TMEM132D: variants seen among roughly 807,000 people sequenced by gnomAD.
TMEM132D encodes the protein mature OL transmembrane protein.
Under a neutral mutation model 62.3 loss-of-function variants are expected in TMEM132D, and 21 were observed. That is an observed-to-expected ratio of 0.34 (90% CI 0.24 to 0.49). The LOEUF is 0.49. Among genes scored for constraint, TMEM132D ranks in the 20% least tolerant of loss-of-function variants. The pLI, the probability that TMEM132D is intolerant of heterozygous loss-of-function variation, is 0.99. For missense variants in TMEM132D, 1,346 were observed against 1,402.8 expected (o/e 0.96, Z 0.65); for synonymous variants, 621 against 575.6 (o/e 1.08, Z -1.13).
chr12:129,225,451 G>T (rs1232309875), intron 4 of TMEM132D, among the ~76,000 whole-genome samples: 1 of 152,110 alleles, frequency 6.6e-6, no homozygotes, highest in Non-Finnish European at 1.5e-5. Flanking sequence ...CAGGAGAATC[G>T]CCACCCGCAC....
chr12:129,821,755 C>G lies in TMEM132D; in HGVS notation c.79+81506G>C, dbSNP rs543403981. On this transcript the variant is annotated intron_variant, in intron 1 of 8. Transcript: ENST00000422113. ...TCTTAAAATGCAGCCTGTGACTCTG[C>G]CCGTCTGTGGGCTGGGGGAAAAGGG... Among the ~76,000 whole-genome samples, 8 of 152,266 alleles carry G rather than the reference C, an allele frequency of 5.3e-5. No individual in the cohort carries two copies. In the East Asian group the frequency reaches 1.5e-3, roughly 29 times the overall value.
At chr12:129,581,902 C>T (rs528798347) in intron 2 of TMEM132D, among the ~76,000 whole-genome samples, 43 of 152,322 alleles carry the variant, frequency 2.8e-4, no homozygotes, top group Non-Finnish European at 4.9e-4. Context: ...TTATAACACA[C>T]GCAGACTGAG....
At chr12:129,386,388 C>T (rs946582597) in intron 3 of TMEM132D, among the ~76,000 whole-genome samples, 5 of 152,176 alleles carry the variant, frequency 3.3e-5, no homozygotes, top group East Asian at 1.9e-4. Context: ...CCAATGCTAA[C>T]GCTATCACTA....
chr12:129,635,677 G>A (rs10773690), intron 2 of TMEM132D, among the ~76,000 whole-genome samples: 62,334 of 152,004 alleles, frequency 0.41, 12,925 homozygotes, highest in East Asian at 0.49. Context: ...ATTAAGTTAC[G>A]CAGAGATGAC....
At chr12:129,528,525 C>G (rs1876123506) in intron 3 of TMEM132D, among the ~76,000 whole-genome samples, 1 of 152,042 alleles carries the variant, frequency 6.6e-6, no homozygotes. Context: ...CCAGTTCTCT[C>G]CAGTAGAAAT....
Position 129,209,631 on chromosome 12 carries a change from C to T in TMEM132D, c.1332G>A (p.Thr444=), listed in dbSNP as rs1258168500. 6.8e-6 allele frequency: 11 copies of T among 1,614,188 alleles called. No individual in the cohort carries two copies. The highest frequency in any genetic ancestry group is 1.7e-5 in the Admixed American group (1 of 60,036). ...EAEILNTAIL[T]GKTVAVPVKV... is the part of the protein sequence containing the mutation. Reference sequence around the variant, plus strand: ...TCACCGGGACGGCCACCGTCTTCCCCGTGAGGATGGCTGTGTTCAGGATTT... The same window carrying T: ...TCACCGGGACGGCCACCGTCTTCCCTGTGAGGATGGCTGTGTTCAGGATTT... Residue 444 remains threonine (T), a synonymous_variant, in exon 5 of 9, where the codon ACG becomes ACA. Coordinates refer to ENST00000422113, the MANE Select transcript of TMEM132D (RefSeq NM_133448.3).
rs1433127782 is a variant in TMEM132D at position 129,779,202 on chromosome 12, A to G, written c.80-78504T>C. On this transcript the variant is annotated intron_variant, in intron 1 of 8. Coordinates refer to ENST00000422113, the MANE Select transcript of TMEM132D (RefSeq NM_133448.3). This position sits in a 1 kb window ranked among gnomAD's most constrained non-coding sequence, Gnocchi z 4.1. ...GGATCCATCTGGAAAGCCCCATTTG[A>G]TGCTTTAACATGCAGAGTAGAACGG... Among the ~76,000 whole-genome samples the G allele has an allele frequency of 6.6e-6, 1 of 152,216 alleles. No individual in the cohort carries two copies. The highest frequency in any genetic ancestry group is 1.5e-5 in the Non-Finnish European group (1 of 68,048).
intron 2 of TMEM132D, among the ~76,000 whole-genome samples, chr12:129,595,129 T>C (rs1228888442): frequency 6.6e-6 from 1 of 152,198 alleles, no homozygotes; most frequent in African/African-American, 2.4e-5. Flanking sequence ...TGAAATCAGA[T>C]AATATGCAAA....
intron 4 of TMEM132D, among the ~76,000 whole-genome samples, chr12:129,299,064 T>G (rs572110730): frequency 1.3e-5 from 2 of 152,136 alleles, no homozygotes; most frequent in Non-Finnish European, 2.9e-5. Flanking sequence ...AGAAGGAAGT[T>G]CCCAAGGTCG....
chr12:129,629,116 C>T (rs1438560881), intron 2 of TMEM132D, among the ~76,000 whole-genome samples: 1 of 152,122 alleles, frequency 6.6e-6, no homozygotes, highest in Non-Finnish European at 1.5e-5. Context: ...TTGGCTCTCA[C>T]CACCTGCCTT....
At chr12:129,133,639 G>C (rs1031092708) in intron 5 of TMEM132D, among the ~76,000 whole-genome samples, 1 of 152,238 alleles carries the variant, frequency 6.6e-6, no homozygotes, top group African/African-American at 2.4e-5. Context: ...GTGGACATCT[G>C]TTGCTTTTGT....
rs150876325 is a variant in TMEM132D at position 129,209,610 on chromosome 12, C to G, written c.1353G>C (p.Pro451=). The G allele has an allele frequency of 4.3e-6, 7 of 1,614,190 alleles. No homozygotes were observed. The highest frequency in any genetic ancestry group is 5.9e-6 in the Non-Finnish European group (7 of 1,180,024). ...CGTCCTCCACGGAGACCACTTTCAC[C>G]GGGACGGCCACCGTCTTCCCCGTGA... ...AILTGKTVAV[P]VKVVSVEDDG... is the part of the protein sequence containing the mutation. Residue 451 remains proline, a synonymous_variant, in exon 5 of 9, where the codon CCG becomes CCC. Transcript: ENST00000422113.
intron 5 of TMEM132D, among the ~76,000 whole-genome samples, chr12:129,174,920 G>A (rs1877859657): frequency 2.0e-5 from 3 of 151,934 alleles, no homozygotes; most frequent in African/African-American, 7.3e-5. Context: ...TTTTTTGAGG[G>A]GGTTGTTTTT....
intron 3 of TMEM132D, among the ~76,000 whole-genome samples, chr12:129,451,372 C>T (rs1268400429): frequency 1.3e-5 from 2 of 152,108 alleles, no homozygotes; most frequent in Non-Finnish European, 2.9e-5. Context: ...TAGCTGCACC[C>T]CTGCACGTGT....
Position 129,074,645 on chromosome 12 carries a change from T to G in TMEM132D, c.2530A>C (p.Ser844Arg). 1 of 1,614,116 alleles carries G rather than the reference T, an allele frequency of 6.2e-7. No homozygotes were observed. Among genetic ancestry groups the G allele is most frequent in the South Asian group, 1.1e-5 (1 of 91,064 alleles). The change falls in exon 9 of 9, where the codon AGT (serine) becomes CGT (arginine). Residue 844 changes from serine to arginine, a missense_variant. Physicochemically the swap from Ser to Arg is moderately radical, Grantham distance 110. Coordinates refer to ENST00000422113, the MANE Select transcript of TMEM132D (RefSeq NM_133448.3). ...CCCTCCATGAGTCCCATAGAAGAAC[T>G]GCCATAGTACTGTCCTTCCTGACTC... is the stretch of plus-strand genomic sequence containing the variant. ...WGSQEGQYYGSSSMGLMEGRG... is the reference protein window; with the variant it reads ...WGSQEGQYYGRSSMGLMEGRG...
At chr12:129,253,202 A>AT (rs1351334750) in intron 4 of TMEM132D, among the ~76,000 whole-genome samples, 1 of 150,438 alleles carries the variant, frequency 6.6e-6, no homozygotes, top group African/African-American at 2.4e-5. Context: ...AATAATAATA[A>AT]AATAAAATAA....
intron 5 of TMEM132D, among the ~76,000 whole-genome samples, chr12:129,126,356 C>CTTTTTTTTTTTTTTTTTTT (rs747997037): frequency 7.3e-6 from 1 of 137,820 alleles, no homozygotes; most frequent in African/African-American, 2.6e-5. Context: ...CAGTTTCTCT[C>CTTTTTTTTTTTTTTTTTTT]TCTTTTTTTT....
chr12:129,335,865 T>G (rs550787502), intron 4 of TMEM132D, among the ~76,000 whole-genome samples: 2 of 152,330 alleles, frequency 1.3e-5, no homozygotes, highest in South Asian at 4.1e-4. Context: ...GTATGTTGGA[T>G]TCTTGTAAAG....
At chr12:129,474,518 T>C (rs1353337967) in intron 3 of TMEM132D, among the ~76,000 whole-genome samples, 2 of 152,198 alleles carry the variant, frequency 1.3e-5, no homozygotes, top group Non-Finnish European at 2.9e-5. Flanking sequence ...AGGCTTGACT[T>C]CCAGCCCAGT....
Sources: gnomAD v4.1 joint callset for allele counts (sites outside exome capture counted in the v4.1 genomes callset) on GRCh38, gnomAD v4.1.1 for gene constraint, Gnocchi (gnomAD v3.1) non-coding constraint, MANE v1.5 for transcripts, NCBI Gene and HGNC (gene_info 2026-07-23, HGNC 2026-07-21) for gene names.